The following NYAP2 variants were observed in gnomAD, a reference collection of about 807,000 sequenced individuals.
The protein encoded by NYAP2 is neuronal tyrosine-phosphorylated phosphoinositide-3-kinase adaptor 2.
Under a neutral mutation model 50.4 loss-of-function variants are expected in NYAP2, and 23 were observed. The ratio of observed to expected loss-of-function variants is 0.46; its 90% CI spans 0.33 to 0.65. The LOEUF (loss-of-function observed/expected upper bound fraction) is 0.65. NYAP2 is among the 30% of genes least tolerant of loss of function. The pLI, the probability that NYAP2 is intolerant of heterozygous loss-of-function variation, is 0.02. For synonymous variants in NYAP2, 394 were observed against 365.2 expected, an observed-to-expected ratio of 1.08 and a Z score of -0.90; for missense variants, 885 against 861.0, an observed-to-expected ratio of 1.03 and a Z score of -0.35.
intron 2 of NYAP2, among the ~76,000 whole-genome samples, chr2:225,404,843 C>A (rs1694913928): frequency 6.6e-6 from 1 of 151,852 alleles, no homozygotes; most frequent in Admixed American, 6.6e-5. Context: ...CAGAATACCA[C>A]AGTGGAGGAA....
intron 5 of NYAP2, among the ~76,000 whole-genome samples, chr2:225,625,078 A>G (rs1265522332): frequency 2.1e-5 from 3 of 145,504 alleles, no homozygotes; most frequent in South Asian, 4.4e-4. Context: ...AAAAATTCAG[A>G]TTTTTTGAAT....
At chr2:225,531,474 T>A (rs963179619) in intron 4 of NYAP2, among the ~76,000 whole-genome samples, 1 of 152,262 alleles carries the variant, frequency 6.6e-6, no homozygotes, top group African/African-American at 2.4e-5. Context: ...CTATCTTTTT[T>A]GTATCCCAAT....
intron 4 of NYAP2, among the ~76,000 whole-genome samples, chr2:225,539,810 T>C (rs1373619554): frequency 6.6e-6 from 1 of 152,178 alleles, no homozygotes; most frequent in Non-Finnish European, 1.5e-5. Context: ...TTCTATCACA[T>C]TGTCAGGCTG....
At chr2:225,517,434 C>G (rs1472287302) in intron 4 of NYAP2, among the ~76,000 whole-genome samples, 1 of 152,076 alleles carries the variant, frequency 6.6e-6, no homozygotes, top group Non-Finnish European at 1.5e-5. Flanking sequence ...GCCGATTCCT[C>G]AATAATGTCA....
At chr2:225,496,759 T>A (rs1690513675) in intron 3 of NYAP2, among the ~76,000 whole-genome samples, 1 of 152,018 alleles carries the variant, frequency 6.6e-6, no homozygotes, top group Non-Finnish European at 1.5e-5. Context: ...AGGGTGGATC[T>A]TAAATTTAAA....
chr2:225,475,629 T>C lies in NYAP2; in HGVS notation c.222-37742T>C, dbSNP rs116760249. On this transcript the variant is annotated intron_variant, in intron 3 of 6. Transcript: ENST00000636099. ...GGCATTCAGTTGTGAGGTTTATTAT[T>C]TGAATAAGTTTCATATCTGAAAATA... 2.7e-3 allele frequency among the ~76,000 whole-genome samples: 416 copies of C among 152,324 alleles called. 2 individuals are homozygous for C. The highest frequency in any genetic ancestry group is 9.6e-3 in the African/African-American group (399 of 41,570).
chr2:225,680,089 C>T, the NYAP2 span, among the ~76,000 whole-genome samples: 1 of 152,112 alleles, frequency 6.6e-6, no homozygotes, highest in Non-Finnish European at 1.5e-5. Flanking sequence ...TCACACTTTC[C>T]CTTGTTGCAT....
the NYAP2 span, among the ~76,000 whole-genome samples, chr2:225,687,644 T>C: frequency 6.6e-6 from 1 of 152,184 alleles, no homozygotes; most frequent in African/African-American, 2.4e-5. Context: ...AAATATATAA[T>C]ATATGCACAT....
intron 5 of NYAP2, among the ~76,000 whole-genome samples, chr2:225,594,446 C>T (rs909109234): frequency 1.3e-5 from 2 of 152,078 alleles, no homozygotes; most frequent in African/African-American, 4.8e-5. Context: ...ATCACTTAAA[C>T]CCGGGGGCAG....
At chr2:225,655,537 C>T (rs76384549), downstream of NYAP2, among the ~76,000 whole-genome samples, 6,819 of 152,210 alleles carry the variant, frequency 0.045, 230 homozygotes, top group Middle Eastern at 0.1. Flanking sequence ...GTTACTTTCT[C>T]TTTTGTATTC....
intron 3 of NYAP2, among the ~76,000 whole-genome samples, chr2:225,502,273 C>G (rs1241924877): frequency 6.6e-6 from 1 of 152,134 alleles, no homozygotes; most frequent in Non-Finnish European, 1.5e-5. Flanking sequence ...GGGGATTAAG[C>G]TGATCTCTGC....
the NYAP2 span, among the ~76,000 whole-genome samples, chr2:225,686,965 A>G: frequency 2.0e-5 from 3 of 152,302 alleles, no homozygotes; most frequent in South Asian, 4.1e-4. Context: ...TGTTTGATCA[A>G]GTGCACTTCC....
At chr2:225,403,292 AAT>A (rs541946021) in intron 2 of NYAP2, among the ~76,000 whole-genome samples, 65 of 152,122 alleles carry the variant, frequency 4.3e-4, no homozygotes, top group African/African-American at 1.4e-3. Context: ...AGAGCTCAGA[AAT>A]ATATAAAGGT....
At chr2:225,633,570 T>TAA (rs1693357105) in intron 6 of NYAP2, among the ~76,000 whole-genome samples, 1 of 152,244 alleles carries the variant, frequency 6.6e-6, no homozygotes, top group African/African-American at 2.4e-5. Context: ...CCTTTTGTTC[T>TAA]AAGTTCTATA....
rs948760879 is a variant in NYAP2 at position 225,547,003 on chromosome 2, G to A, written c.523+33331G>A. 2.4e-4 allele frequency among the ~76,000 whole-genome samples: 37 copies of A among 152,246 alleles called. 1 individual carries two copies. The highest frequency in any genetic ancestry group is 8.7e-4 in the African/African-American group (36 of 41,554). On this transcript the variant is annotated intron_variant, in intron 4 of 6. Coordinates refer to ENST00000636099, the Ensembl canonical transcript of NYAP2. Reference sequence around the variant, plus strand: ...GTCATATGGGAACTGGGGCCTAGAAGGGGGTCTCACAACTTTGCCTGGTGC... The same window carrying A: ...GTCATATGGGAACTGGGGCCTAGAAAGGGGTCTCACAACTTTGCCTGGTGC...
At chr2:225,489,757 C>T (rs532401665) in intron 3 of NYAP2, among the ~76,000 whole-genome samples, 1 of 152,264 alleles carries the variant, frequency 6.6e-6, no homozygotes, top group South Asian at 2.1e-4. Flanking sequence ...CAAGGATTCT[C>T]AACCCTTAAC....
intron 5 of NYAP2, among the ~76,000 whole-genome samples, chr2:225,594,317 A>G (rs1204229563): frequency 6.6e-6 from 1 of 152,100 alleles, no homozygotes; most frequent in African/African-American, 2.4e-5. Context: ...TGAGGTCAGG[A>G]GTTTGAGACC....
intron 4 of NYAP2, among the ~76,000 whole-genome samples, chr2:225,570,286 A>G (rs1692043643): frequency 6.6e-6 from 1 of 152,190 alleles, no homozygotes; most frequent in African/African-American, 2.4e-5. Flanking sequence ...ACTCCCTCTC[A>G]TCAGATGTCT....
intron 4 of NYAP2, among the ~76,000 whole-genome samples, chr2:225,581,470 A>T (rs1418144865): frequency 1.3e-5 from 2 of 152,246 alleles, no homozygotes; most frequent in Non-Finnish European, 2.9e-5. Context: ...TCCTAAATGC[A>T]AGCAAGATGT....
Sources: gnomAD v4.1 joint callset for allele counts (sites outside exome capture counted in the v4.1 genomes callset) on GRCh38, gnomAD v4.1.1 for gene constraint, MANE v1.5 for transcripts, NCBI Gene and HGNC (gene_info 2026-07-23, HGNC 2026-07-21) for gene names.